ASAH1: variants seen among roughly 807,000 people sequenced by gnomAD.
ASAH1 encodes the protein N-acylsphingosine amidohydrolase 1.
In ASAH1, 70 loss-of-function variants were observed where a neutral mutation model predicts 59.5. The observed-to-expected ratio is 1.18, with a 90% CI of 0.97 to 1.43. The LOEUF is 1.43. Among genes scored for constraint, ASAH1 ranks in the 40% most tolerant of loss-of-function variants. The pLI is 0.00. For synonymous variants in ASAH1, 213 were observed against 166.5 expected (o/e 1.28, Z -2.15); for missense variants, 660 against 482.5 (o/e 1.37, Z -3.45).
chr8:18,061,183 T>C (rs1799682664), intron 10 of ASAH1, 194 bp downstream of exon 10: 1 of 499,662 alleles, frequency 2.0e-6, no homozygotes, highest in South Asian at 2.6e-5. Flanking sequence ...TTTTAAGTAA[T>C]TCATTTATTT....
chr8:18,058,222 G>T (rs1165191847), intron 13 of ASAH1: 1 of 153,674 alleles, frequency 6.5e-6, no homozygotes, highest in Non-Finnish European at 1.4e-5. Flanking sequence ...GAGCCAGGGT[G>T]ACCTGGATGC....
At chr8:18,078,500 A>G (rs995644645) in intron 1 of ASAH1, among the ~76,000 whole-genome samples, 5 of 152,188 alleles carry the variant, frequency 3.3e-5, no homozygotes, top group African/African-American at 9.7e-5. Context: ...AGGGGCTCAC[A>G]TGGCATGAAC....
At chr8:18,061,999 T>A in intron 8 of ASAH1, 2 of 620,562 alleles carry the variant, frequency 3.2e-6, no homozygotes, top group Non-Finnish European at 5.6e-6. Flanking sequence ...CTGACTTGCC[T>A]AAGTGAGCGG....
rs532943434 is a variant in ASAH1, at chr8:18,065,754, A to G, written c.383-1223T>C. The G allele has an allele frequency of 2.6e-5, 4 of 152,266 alleles. No homozygotes were observed. The South Asian group carries it at 8.3e-4, about 32-fold the overall frequency. The allele number at this position is 152,266 out of a possible 1,614,324, so 9.4% of individuals were successfully genotyped here. On this transcript the variant is annotated intron_variant, in intron 5 of 13. Transcript: ENST00000637790. Reference sequence around the variant, plus strand: ...CACCTAATTTGAAGACTTACTATAAAGCTTTAGTAACTGAGGTGAAATAGT... The same window carrying G: ...CACCTAATTTGAAGACTTACTATAAGGCTTTAGTAACTGAGGTGAAATAGT...
At position 18,057,532 on chromosome 8, in the gene ASAH1, G is replaced by C; in HGVS notation, c.*2C>G. On this transcript the variant is annotated 3_prime_UTR_variant, in exon 14 of 14. Coordinates refer to ENST00000637790, the MANE Select transcript of ASAH1 (RefSeq NM_177924.5). ...GCCGCATTCTGTAGGCCAGACGTGT[G>C]CTCACCAACCTATACAAGGGTCAGG... is the stretch of plus-strand genomic sequence containing the variant. 6.3e-7 allele frequency: 1 copy of C among 1,594,274 alleles called. No individual in the cohort carries two copies. Among genetic ancestry groups the C allele is most frequent in the Non-Finnish European group, 8.6e-7 (1 of 1,166,388 alleles).
chr8:18,062,853 A>T, intron 7 of ASAH1: 1 of 331,248 alleles, frequency 3.0e-6, no homozygotes, highest in South Asian at 3.0e-5. Context: ...CTACAGACCA[A>T]AACAGTTCTG....
At chr8:18,064,695 ACT>A (rs1468450605) in intron 5 of ASAH1, 164 bp from the exon 6 acceptor site, 1 of 586,146 alleles carries the variant, frequency 1.7e-6, no homozygotes, top group Admixed American at 3.1e-5. Context: ...CCCAGCCTGG[ACT>A]CTCTAGACTC....
upstream of ASAH1, chr8:18,084,788 A>G (rs141563865): frequency 5.0e-6 from 8 of 1,613,506 alleles, no homozygotes; most frequent in Admixed American, 1.7e-5. Context: ...TCCCAGCCCG[A>G]TGCAGCAGTT....
intron 1 of ASAH1, among the ~76,000 whole-genome samples, chr8:18,079,295 A>AAAC (rs1800550094): frequency 6.7e-6 from 1 of 150,362 alleles, no homozygotes; most frequent in African/African-American, 2.4e-5. Context: ...AAAACAAAAA[A>AAAC]CTCTCTGGAA....
intron 1 of ASAH1, chr8:18,083,771 G>A: frequency 1.1e-6 from 1 of 948,914 alleles, no homozygotes; most frequent in South Asian, 1.7e-5. Context: ...CTTTAAAGGA[G>A]TTCTAGTTGC....
upstream of ASAH1, chr8:18,084,439 C>G: frequency 7.4e-7 from 1 of 1,355,994 alleles, no homozygotes; most frequent in Non-Finnish European, 9.6e-7. Context: ...CTCTAGCAGG[C>G]GGGTGCAGCC....
chr8:18,073,390 C>A (rs1800255738), intron 2 of ASAH1: 1 of 1,069,090 alleles, frequency 9.4e-7, no homozygotes, highest in Admixed American at 2.5e-5. Flanking sequence ...ATCATTTCAT[C>A]ATTTTTGAGA....
At chr8:18,061,104 G>C (rs79985562) in intron 10 of ASAH1, 2 of 337,482 alleles carry the variant, frequency 5.9e-6, no homozygotes, top group African/African-American at 2.1e-5. Flanking sequence ...TTTTGTGTGT[G>C]GGTCATTTTT....
chr8:18,058,681 G>C, intron 13 of ASAH1, 154 bp downstream of exon 13: 2 of 681,500 alleles, frequency 2.9e-6, no homozygotes, highest in Non-Finnish European at 5.1e-6. Flanking sequence ...CCAAAATACA[G>C]TTTTAGCCAC....
intron 4 of ASAH1, chr8:18,067,988 T>C (rs540439982): frequency 1.3e-5 from 2 of 152,198 alleles, no homozygotes; most frequent in East Asian, 3.8e-4. Context: ...ACATGTAATG[T>C]CACCTAAACA....
chr8:18,065,422 ATAC>A (rs1457208537), intron 5 of ASAH1: 9 of 152,276 alleles, frequency 5.9e-5, no homozygotes, highest in African/African-American at 2.2e-4. Context: ...TTGTTGATAA[ATAC>A]TACTGATTTT....
At chr8:18,084,628 G>T (rs1270119461), upstream of ASAH1, 5 of 1,610,284 alleles carry the variant, frequency 3.1e-6, no homozygotes, top group Admixed American at 1.7e-5. Flanking sequence ...GCCGAGGAGT[G>T]AGAGAGAATC....
chr8:18,060,189 ACT>A (rs1442476609), intron 10 of ASAH1: 1 of 164,690 alleles, frequency 6.1e-6, no homozygotes, highest in Non-Finnish European at 1.3e-5. Flanking sequence ...ATGGGCTCTC[ACT>A]CTGTTGCCCA....
chr8:18,064,239 T>C (rs1051674120), intron 6 of ASAH1: 5 of 584,716 alleles, frequency 8.6e-6, no homozygotes, highest in Admixed American at 6.2e-5. Context: ...TCCAGGTTTT[T>C]TGCATGTCTG....
Sources: allele counts gnomAD v4.1 joint callset (sites outside exome capture counted in the v4.1 genomes callset), GRCh38; gene constraint gnomAD v4.1.1; transcripts MANE v1.5; gene names NCBI Gene and HGNC (gene_info 2026-07-23, HGNC 2026-07-21).